Variants in CDHR2 observed in about 807,000 individuals in gnomAD.
CDHR2 encodes cadherin related family member 2.
Under a neutral mutation model 138.6 loss-of-function variants are expected in CDHR2, and 104 were observed. The ratio of observed to expected loss-of-function variants is 0.75; its 90% CI spans 0.64 to 0.88. The LOEUF is 0.88. Among genes scored for constraint, CDHR2 ranks in the 40% least tolerant of loss-of-function variants. The pLI, the probability that CDHR2 is intolerant of heterozygous loss-of-function variation, is 0.00. For synonymous variants in CDHR2, 755 were observed against 742.8 expected (o/e 1.02, Z -0.27); for missense variants, 1,624 against 1,727.6 (o/e 0.94, Z 1.06).
intron 20 of CDHR2, 130 bp from the exon 21 acceptor site, chr5:176,586,663 G>C: frequency 2.7e-6 from 2 of 742,632 alleles, no homozygotes; most frequent in Non-Finnish European, 4.6e-6. Context: ...GGCTGTAATA[G>C]GGGTCTCTTT....
At chr5:176,570,550 T>C (rs768453857) in intron 5 of CDHR2, among the ~76,000 whole-genome samples, 12 of 152,238 alleles carry the variant, frequency 7.9e-5, no homozygotes, top group Non-Finnish European at 1.3e-4. Flanking sequence ...TCTCACCATA[T>C]TGCCCAGGCT....
In CDHR2 at chr5:176,590,693, G is replaced by T; in HGVS notation, c.3539+6G>T. 6.2e-7 allele frequency: 1 copy of T among 1,612,676 alleles called. No individual in the cohort carries two copies. The highest frequency in any genetic ancestry group is 8.5e-7 in the Non-Finnish European group (1 of 1,179,966). On this transcript the variant is annotated splice_donor_region_variant and intron_variant, in intron 28 of 31. Coordinates refer to ENST00000261944, the MANE Select transcript of CDHR2 (RefSeq NM_017675.6). ...TTCGTGTGTGTGCGGAAGAGGTGCG[G>T]CTCCCATTGCCCCCGTGTCTCCAAC...
chr5:176,569,061 T>C (rs369047923), intron 5 of CDHR2, 51 bp downstream of exon 5: 1 of 1,578,840 alleles, frequency 6.3e-7, no homozygotes, highest in Non-Finnish European at 8.7e-7. Flanking sequence ...AGTCCATTCC[T>C]GATTGTGTCC....
At chr5:176,558,073 C>T (rs1757881377) in intron 1 of CDHR2, among the ~76,000 whole-genome samples, 2 of 152,088 alleles carry the variant, frequency 1.3e-5, no homozygotes, top group Admixed American at 1.3e-4. Context: ...GCTTCCCCAG[C>T]GCGCATGGTA....
In CDHR2 at chr5:176,586,633, C is replaced by A. The variant is rs1758675488; in HGVS notation, c.2807-160C>A. ...GTGACAATGGGAGGTGGATGACTTG[C>A]TAACTACTGGCCCAGTGGTGGCTGT... On this transcript the variant is annotated intron_variant, in intron 20 of 31. Coordinates refer to ENST00000261944, the MANE Select transcript of CDHR2 (RefSeq NM_017675.6). 2.3e-5 allele frequency: 14 copies of A among 616,442 alleles called. No homozygotes were observed. In the South Asian group the frequency reaches 2.8e-4, roughly 12 times the overall value. The allele number at this position is 616,442 out of a possible 1,614,324, so 38.2% of individuals were successfully genotyped here.
At chr5:176,544,136 GT>G (rs1401020105) in intron 1 of CDHR2, among the ~76,000 whole-genome samples, 1 of 152,252 alleles carries the variant, frequency 6.6e-6, no homozygotes, top group Non-Finnish European at 1.5e-5. Flanking sequence ...CTTAGCCCAG[GT>G]TTAGCTCCTC....
At chr5:176,587,339 T>C (rs1208602609) in intron 21 of CDHR2, among the ~76,000 whole-genome samples, 1 of 151,952 alleles carries the variant, frequency 6.6e-6, no homozygotes, top group Non-Finnish European at 1.5e-5. Flanking sequence ...TCCCAGCTAC[T>C]TGGGAGGCTG....
chr5:176,585,122 C>T, intron 19 of CDHR2, 107 bp downstream of exon 19: 2 of 1,313,548 alleles, frequency 1.5e-6, no homozygotes, highest in Non-Finnish European at 2.0e-6. Flanking sequence ...TTGGCTCCAG[C>T]CCTTTCCAGC....
At position 176,568,760 on chromosome 5, in the gene CDHR2, C is replaced by T. The variant is rs1282643359; in HGVS notation, c.207C>T (p.Phe69=). ...GGATGAGCGGCCCCAATGCCTACTT[C>T]TTCGCTGTCACTCCGAAAACTGGGG... ...TYGMSGPNAY[F]FAVTPKTGEV... Residue 69 remains phenylalanine (F), a synonymous_variant, in exon 4 of 32, where the codon TTC becomes TTT. Coordinates refer to ENST00000261944, the MANE Select transcript of CDHR2 (RefSeq NM_017675.6). 3.1e-6 allele frequency: 5 copies of T among 1,614,248 alleles called. No individual in the cohort carries two copies. Among genetic ancestry groups the T allele is most frequent in the Non-Finnish European group, 4.2e-6 (5 of 1,180,044 alleles).
chr5:176,555,971 T>C (rs1208805052), intron 1 of CDHR2, among the ~76,000 whole-genome samples: 1 of 152,090 alleles, frequency 6.6e-6, no homozygotes, highest in African/African-American at 2.4e-5. Context: ...AAATGAAACA[T>C]CCTTCCTGTG....
chr5:176,571,532 A>C (rs924052495), intron 6 of CDHR2, among the ~76,000 whole-genome samples: 13 of 152,108 alleles, frequency 8.5e-5, no homozygotes, highest in Admixed American at 6.5e-4. Context: ...CAAAAAAAAA[A>C]AAGGGAGTTG....
At chr5:176,582,437 G>A (rs1215141652) in intron 17 of CDHR2, among the ~76,000 whole-genome samples, 1 of 151,452 alleles carries the variant, frequency 6.6e-6, no homozygotes, top group Non-Finnish European at 1.5e-5. Context: ...CAAAATGCTG[G>A]GATTACAGGC....
At chr5:176,592,304 ATGGTGGTGG>A in intron 30 of CDHR2, among the ~76,000 whole-genome samples, 1 of 88,756 alleles carries the variant, frequency 1.1e-5, no homozygotes, top group East Asian at 4.4e-4. Context: ...GGTGATGGTG[ATGGTGGTGG>A]TGGTGGTGTT....
In CDHR2 at chr5:176,576,040, A is replaced by C; in HGVS notation, c.1049A>C (p.Lys350Thr). ...AGAGTGATGGACGTCAATGACCACA[A>C]ACCTGAGTTTTACAACTGCAGCCTC... ...TVRVMDVNDH[K>T]PEFYNCSLPA... Residue 350 changes from lysine (K) to threonine (T), a missense_variant, in exon 12 of 32, where the codon AAA becomes ACA. Coordinates refer to ENST00000261944, the MANE Select transcript of CDHR2 (RefSeq NM_017675.6). This position sits in a 1 kb window ranked among gnomAD's most constrained non-coding sequence, Gnocchi z 4.5. The C allele has an allele frequency of 6.2e-7, 1 of 1,613,748 alleles. No homozygotes were observed. Among genetic ancestry groups the C allele is most frequent in the Non-Finnish European group, 8.5e-7 (1 of 1,179,972 alleles).
chr5:176,574,039 A>G, intron 6 of CDHR2, 44 bp from the exon 7 acceptor site: 1 of 1,435,894 alleles, frequency 7.0e-7, no homozygotes, highest in Non-Finnish European at 9.8e-7. Context: ...AAGGGAGAGG[A>G]GGAGCTGGAT....
At chr5:176,581,955 A>G (rs115510146) in intron 17 of CDHR2, among the ~76,000 whole-genome samples, 4 of 152,186 alleles carry the variant, frequency 2.6e-5, no homozygotes, top group African/African-American at 4.8e-5. Context: ...GCTGGTGTCT[A>G]TTGCACATCA....
upstream of CDHR2, among the ~76,000 whole-genome samples, chr5:176,546,272 C>G (rs568986594): frequency 6.6e-6 from 1 of 152,100 alleles, no homozygotes. Context: ...TCTGTAATCT[C>G]GGGTGGTGAT....
intron 2 of CDHR2, 26 bp from the exon 3 acceptor site, chr5:176,565,646 T>TGTTCCAGCACACTGTGTCCCTAC (rs1178668333): frequency 1.2e-6 from 2 of 1,606,540 alleles, no homozygotes; most frequent in African/African-American, 2.7e-5. Context: ...GGTGTCCCGA[T>TGTTCCAGCACACTGTGTCCCTAC]GTTCCAGCAC....
At chr5:176,545,668 G>T (rs186835319), upstream of CDHR2, among the ~76,000 whole-genome samples, 1 of 152,346 alleles carries the variant, frequency 6.6e-6, no homozygotes, top group African/African-American at 2.4e-5. Context: ...GGGAGGTGGT[G>T]TACCTTGCCC....
Sources: allele counts gnomAD v4.1 joint callset (sites outside exome capture counted in the v4.1 genomes callset), GRCh38; gene constraint gnomAD v4.1.1; non-coding constraint Gnocchi (gnomAD v3.1); transcripts MANE v1.5; gene names NCBI Gene and HGNC (gene_info 2026-07-23, HGNC 2026-07-21).